The following MGAT5 variants were observed in gnomAD, a reference collection of about 807,000 sequenced individuals.
MGAT5 encodes alpha-1,6-mannosylglycoprotein 6-beta-N-acetylglucosaminyltransferase A.
A neutral mutation model predicts 94.3 loss-of-function variants in MGAT5; 30 were observed. The ratio of observed to expected loss-of-function variants is 0.32; its 90% CI spans 0.24 to 0.43. The LOEUF is 0.43. Ranked by LOEUF, MGAT5 falls within the 20% of genes least tolerant of loss-of-function variation. The pLI, the probability that MGAT5 is intolerant of heterozygous loss-of-function variation, is 1.00. For synonymous variants in MGAT5, 310 were observed against 322.9 expected (o/e 0.96, Z 0.43); for missense variants, 691 against 905.5 (o/e 0.76, Z 3.04).
At chr2:134,255,964 G>A (rs1682937785) in intron 1 of MGAT5, among the ~76,000 whole-genome samples, 1 of 152,010 alleles carries the variant, frequency 6.6e-6, no homozygotes, top group Admixed American at 6.5e-5. Context: ...ACACACGTAT[G>A]TGTATGTGTG....
At chr2:134,159,278 C>T (rs994018989) in intron 1 of MGAT5, among the ~76,000 whole-genome samples, 3 of 151,304 alleles carry the variant, frequency 2.0e-5, no homozygotes, top group African/African-American at 4.9e-5. Context: ...ATTCATCCAT[C>T]CCTTCCCTTC....
At chr2:134,199,561 A>G (rs1446711344) in intron 1 of MGAT5, among the ~76,000 whole-genome samples, 1 of 151,038 alleles carries the variant, frequency 6.6e-6, no homozygotes, top group Non-Finnish European at 1.5e-5. Flanking sequence ...TTCTGTGAGG[A>G]TGGAGCATTA....
chr2:134,294,568 T>G (rs923150123), intron 2 of MGAT5, among the ~76,000 whole-genome samples: 7 of 152,078 alleles, frequency 4.6e-5, no homozygotes, highest in Admixed American at 6.6e-5. Context: ...AAAATAGAGG[T>G]TCCTCTTCAA....
At chr2:134,124,405 T>C (rs1685748178) in intron 1 of MGAT5, among the ~76,000 whole-genome samples, 1 of 152,236 alleles carries the variant, frequency 6.6e-6, no homozygotes. Context: ...GGAATCACTT[T>C]ATTTGTTCAA....
chr2:134,297,196 C>CAAAAAAAAA (rs143685303), intron 2 of MGAT5, among the ~76,000 whole-genome samples: 12 of 100,472 alleles, frequency 1.2e-4, no homozygotes, highest in Non-Finnish European at 2.0e-4. Context: ...GACCTGGTCT[C>CAAAAAAAAA]AAAAAAAAAA....
rs186819478 is a variant in MGAT5 at position 134,266,912 on chromosome 2, C to A, written c.242-3474C>A. Among the ~76,000 whole-genome samples the A allele has an allele frequency of 8.9e-4, 135 of 152,182 alleles. 1 individual carries two copies. Among genetic ancestry groups the A allele is most frequent in the African/African-American group, 2.7e-3 (112 of 41,504 alleles). On this transcript the variant is annotated intron_variant, in intron 1 of 15. Coordinates refer to ENST00000281923, the MANE Select transcript of MGAT5 (RefSeq NM_002410.5). ...TAGAGAATTCAAGGTTTTTAGTAGG[C>A]TTATATTCCGTCTTCATTTTAAGGG... is the stretch of plus-strand genomic sequence containing the variant.
intron 10 of MGAT5, among the ~76,000 whole-genome samples, chr2:134,398,253 TC>T (rs1199307471): frequency 6.6e-6 from 1 of 152,222 alleles, no homozygotes; most frequent in East Asian, 1.9e-4. Context: ...CCTGCCACTG[TC>T]CTGTTAGGCC....
intron 10 of MGAT5, among the ~76,000 whole-genome samples, chr2:134,397,295 T>G (rs1179784506): frequency 6.6e-6 from 1 of 152,076 alleles, no homozygotes; most frequent in Non-Finnish European, 1.5e-5. Context: ...AGTACCAATA[T>G]TTTGCTGCAG....
chr2:134,178,810 A>G (rs1688598426), intron 1 of MGAT5, among the ~76,000 whole-genome samples: 1 of 152,104 alleles, frequency 6.6e-6, no homozygotes, highest in Non-Finnish European at 1.5e-5. Flanking sequence ...TGCTCTTTAC[A>G]CTGCATGATA....
At chr2:134,223,703 C>G (rs115050918) in intron 1 of MGAT5, among the ~76,000 whole-genome samples, 1,865 of 152,040 alleles carry the variant, frequency 0.012, 36 homozygotes, top group African/African-American at 0.043. Flanking sequence ...AATATTATAG[C>G]AAGGCCAATT....
chr2:134,317,647 C>T (rs966197207), intron 3 of MGAT5, 42 bp downstream of exon 3: 11 of 1,316,024 alleles, frequency 8.4e-6, no homozygotes, highest in East Asian at 2.7e-5. Flanking sequence ...GCACAAACAC[C>T]CCTTCTTTTT....
chr2:134,249,260 A>C (rs1682453322), upstream of MGAT5, among the ~76,000 whole-genome samples: 1 of 149,132 alleles, frequency 6.7e-6, no homozygotes, highest in African/African-American at 2.5e-5. Flanking sequence ...GATATGATAC[A>C]CATATCATAC....
intron 1 of MGAT5, among the ~76,000 whole-genome samples, chr2:134,188,463 G>T (rs931784370): frequency 4.6e-5 from 7 of 152,260 alleles, no homozygotes; most frequent in African/African-American, 1.7e-4. Context: ...ATCCTATGAG[G>T]TTGCTGTGAT....
At chr2:134,415,940 T>C (rs1267296096) in intron 12 of MGAT5, among the ~76,000 whole-genome samples, 1 of 152,244 alleles carries the variant, frequency 6.6e-6, no homozygotes, top group Non-Finnish European at 1.5e-5. Flanking sequence ...TTCTCTGTTC[T>C]GTTCCATTGG....
chr2:134,380,831 A>G (rs183605037), intron 10 of MGAT5, among the ~76,000 whole-genome samples: 2 of 152,226 alleles, frequency 1.3e-5, no homozygotes, highest in Non-Finnish European at 1.5e-5. Context: ...ACAACTGTAG[A>G]GCAGACACTG....
rs78523001 is a variant in MGAT5 at position 134,362,856 on chromosome 2, A to G, written c.1380+448A>G. Among the ~76,000 whole-genome samples the G allele has an allele frequency of 7.7e-3, 1,166 of 152,316 alleles. 14 individuals carry two copies. Among genetic ancestry groups the G allele is most frequent in the African/African-American group, 0.026 (1,089 of 41,564 alleles). On this transcript the variant is annotated intron_variant, in intron 10 of 15. Coordinates refer to ENST00000281923, the MANE Select transcript of MGAT5 (RefSeq NM_002410.5). The stretch of plus-strand genomic sequence containing the variant: ...GTGGGCTTCACATCCTCTTGGCTAT[A>G]GTCACTACTCACCTGACGTAGAAAG...
chr2:134,190,867 T>C (rs1435012279), intron 1 of MGAT5, among the ~76,000 whole-genome samples: 1 of 152,184 alleles, frequency 6.6e-6, no homozygotes, highest in East Asian at 1.9e-4. Context: ...CAGGCTGGTC[T>C]TGAGCTCCTG....
intron 2 of MGAT5, among the ~76,000 whole-genome samples, chr2:134,297,526 A>G (rs1047178971): frequency 2.6e-5 from 4 of 152,210 alleles, no homozygotes; most frequent in African/African-American, 9.6e-5. Context: ...AACATATGAA[A>G]AGGGTTATAT....
chr2:134,201,424 C>A (rs1008392456), intron 1 of MGAT5, among the ~76,000 whole-genome samples: 2 of 151,960 alleles, frequency 1.3e-5, no homozygotes, highest in African/African-American at 4.8e-5. Context: ...AAGCCTTTTT[C>A]TTTTCATACT....
Sources: allele counts gnomAD v4.1 joint callset (sites outside exome capture counted in the v4.1 genomes callset), GRCh38; gene constraint gnomAD v4.1.1; transcripts MANE v1.5; gene names NCBI Gene and HGNC (gene_info 2026-07-23, HGNC 2026-07-21).